The following RBFOX1 variants were observed in gnomAD, a reference collection of about 807,000 sequenced individuals.
RBFOX1 encodes RNA binding fox-1 homolog 1.
Under a neutral mutation model 57.7 loss-of-function variants are expected in RBFOX1, and 8 were observed. The observed-to-expected ratio is 0.14, with a 90% confidence interval of 0.08 to 0.25. The LOEUF (loss-of-function observed/expected upper bound fraction) is 0.25, where lower values mean the gene tolerates loss of function less well. Among genes scored for constraint, RBFOX1 ranks in the 10% least tolerant of loss-of-function variants. The pLI is 1.00. For missense variants in RBFOX1, 611 were observed against 548.5 expected, an observed-to-expected ratio of 1.11 and a Z score of -1.14; for synonymous variants, 326 against 222.4, an observed-to-expected ratio of 1.47 and a Z score of -4.15.
At chr16:6,897,224 A>G (rs1026384396) in intron 3 of RBFOX1, among the ~76,000 whole-genome samples, 1 of 152,200 alleles carries the variant, frequency 6.6e-6, no homozygotes, top group Admixed American at 6.5e-5. Flanking sequence ...AACTTCTAAG[A>G]TAGAGTAGAA....
chr16:5,864,590 T>G (rs2057301693), intron 3 of RBFOX1, among the ~76,000 whole-genome samples: 2 of 152,046 alleles, frequency 1.3e-5, no homozygotes, highest in South Asian at 4.2e-4. Flanking sequence ...TACACTTTTC[T>G]GAATGTTTCG....
intron 4 of RBFOX1, among the ~76,000 whole-genome samples, chr16:7,434,816 T>C (rs1292509329): frequency 2.6e-5 from 4 of 151,894 alleles, no homozygotes; most frequent in African/African-American, 9.7e-5. Flanking sequence ...CTCTGCTCAC[T>C]GCAACCTCTG....
At chr16:6,969,784 T>C (rs1402470868) in intron 3 of RBFOX1, among the ~76,000 whole-genome samples, 2 of 151,896 alleles carry the variant, frequency 1.3e-5, no homozygotes, top group Non-Finnish European at 2.9e-5. Flanking sequence ...ATTGCTGAGC[T>C]CTCTGGTGCC....
At chr16:5,769,661 A>G (rs1162218632) in intron 3 of RBFOX1, among the ~76,000 whole-genome samples, 1 of 152,054 alleles carries the variant, frequency 6.6e-6, no homozygotes, top group Non-Finnish European at 1.5e-5. Flanking sequence ...TCAAAAAAGG[A>G]GGAGAAATTT....
chr16:7,495,859 A>T (rs1009081680), intron 4 of RBFOX1, among the ~76,000 whole-genome samples: 4 of 151,742 alleles, frequency 2.6e-5, no homozygotes, highest in African/African-American at 9.7e-5. Flanking sequence ...ATTGAAATAA[A>T]AAATAAATTA....
chr16:6,972,450 T>G (rs1350421946), intron 3 of RBFOX1, among the ~76,000 whole-genome samples: 1 of 152,190 alleles, frequency 6.6e-6, no homozygotes, highest in Non-Finnish European at 1.5e-5. Flanking sequence ...AATATTCCCT[T>G]ATGTGGAATG....
chr16:5,819,821 C>A (rs2055780845), intron 3 of RBFOX1, among the ~76,000 whole-genome samples: 2 of 152,200 alleles, frequency 1.3e-5, no homozygotes, highest in African/African-American at 4.8e-5. Context: ...CCTAGGCAGG[C>A]CCTGGAGCCC....
intron 3 of RBFOX1, among the ~76,000 whole-genome samples, chr16:6,657,558 C>T (rs1361458988): frequency 6.6e-6 from 1 of 152,128 alleles, no homozygotes; most frequent in Non-Finnish European, 1.5e-5. Flanking sequence ...GCCTCTGCCA[C>T]ACTGATGGGT....
intron 4 of RBFOX1, among the ~76,000 whole-genome samples, chr16:7,206,469 G>T (rs558632621): frequency 6.7e-6 from 1 of 149,440 alleles, no homozygotes; most frequent in Non-Finnish European, 1.5e-5. Flanking sequence ...TATAATATGC[G>T]TGTGTGCATA....
intron 2 of RBFOX1, among the ~76,000 whole-genome samples, chr16:6,559,994 C>G (rs1045087574): frequency 5.9e-5 from 9 of 152,106 alleles, no homozygotes; most frequent in Non-Finnish European, 1.0e-4. Flanking sequence ...GGCCATTGTT[C>G]TTCAAGCCCA....
intron 3 of RBFOX1, among the ~76,000 whole-genome samples, chr16:6,744,804 C>T (rs1045761033): frequency 4.6e-5 from 7 of 151,748 alleles, no homozygotes; most frequent in African/African-American, 7.3e-5. Context: ...AGAAGGTGAA[C>T]TAAATTAAGT....
intron 1 of RBFOX1, among the ~76,000 whole-genome samples, chr16:5,353,736 A>AC (rs1555498171): frequency 6.7e-6 from 1 of 148,558 alleles, no homozygotes; most frequent in African/African-American, 2.5e-5. Flanking sequence ...GAAAAAAAAA[A>AC]AAACCTCGCC....
At chr16:5,660,958 G>A (rs924714457) in intron 3 of RBFOX1, among the ~76,000 whole-genome samples, 2 of 152,144 alleles carry the variant, frequency 1.3e-5, no homozygotes, top group South Asian at 2.1e-4. Flanking sequence ...GTCCCAGAAT[G>A]GCTTGATATA....
chr16:5,531,797 G>A (rs1430879499), intron 2 of RBFOX1, among the ~76,000 whole-genome samples: 1 of 129,136 alleles, frequency 7.7e-6, no homozygotes, highest in Non-Finnish European at 1.6e-5. Flanking sequence ...GACATGTCAA[G>A]AGGTCTTTTT....
intron 3 of RBFOX1, among the ~76,000 whole-genome samples, chr16:6,757,553 G>T (rs2075996098): frequency 6.6e-6 from 1 of 152,142 alleles, no homozygotes; most frequent in African/African-American, 2.4e-5. Context: ...AGCACAGAAA[G>T]ACAAATATGA....
At chr16:6,899,129 G>A (rs1297000039) in intron 3 of RBFOX1, among the ~76,000 whole-genome samples, 4 of 151,438 alleles carry the variant, frequency 2.6e-5, no homozygotes, top group Non-Finnish European at 1.5e-5. Context: ...ATGCATATGT[G>A]TATATGTGTG....
At chr16:6,120,449 C>T (rs1192785303) in intron 1 of RBFOX1, among the ~76,000 whole-genome samples, 4 of 152,074 alleles carry the variant, frequency 2.6e-5, no homozygotes, top group African/African-American at 9.7e-5. Flanking sequence ...TTGTGCTTTC[C>T]TAAGGGGGCA....
At chr16:7,245,104 C>A (rs564287671) in intron 4 of RBFOX1, among the ~76,000 whole-genome samples, 1 of 152,056 alleles carries the variant, frequency 6.6e-6, no homozygotes. Context: ...TGCTGTATGT[C>A]CATTTAATTG....
chr16:6,898,449 C>T (rs1198181417), intron 3 of RBFOX1, among the ~76,000 whole-genome samples: 1 of 152,130 alleles, frequency 6.6e-6, no homozygotes, highest in East Asian at 1.9e-4. Flanking sequence ...CATTTGGAAT[C>T]AGCTCTATCA....
Sources: allele counts gnomAD v4.1 joint callset (sites outside exome capture counted in the v4.1 genomes callset), GRCh38; gene constraint gnomAD v4.1.1; transcripts MANE v1.5; gene names NCBI Gene and HGNC (gene_info 2026-07-23, HGNC 2026-07-21).